The following CENPK variants were observed in gnomAD, a reference collection of about 807,000 sequenced individuals.
CENPK encodes the protein centromere protein K.
Under a neutral mutation model 40.9 loss-of-function variants are expected in CENPK, and 46 were observed. That is an observed-to-expected ratio of 1.13 (90% CI 0.89 to 1.44). The LOEUF is 1.44. CENPK is among the 40% of genes most tolerant of loss of function. The pLI is 0.00. For missense variants in CENPK, 288 were observed against 303.5 expected (o/e 0.95, Z 0.38); for synonymous variants, 107 against 104.4 (o/e 1.02, Z -0.15).
the CENPK span, among the ~76,000 whole-genome samples, chr5:65,502,713 C>T: frequency 5.3e-5 from 8 of 152,130 alleles, no homozygotes; most frequent in South Asian, 4.2e-4. Context: ...TGGGCTCTAA[C>T]AATCCTCCCA....
intron 5 of CENPK, among the ~76,000 whole-genome samples, chr5:65,550,236 G>A (rs1051017051): frequency 8.6e-5 from 13 of 151,642 alleles, no homozygotes; most frequent in Admixed American, 2.0e-4. Context: ...AACTGGTGCC[G>A]GAGGCCTAGC....
At chr5:65,498,276 C>A in the CENPK span, among the ~76,000 whole-genome samples, 1 of 152,000 alleles carries the variant, frequency 6.6e-6, no homozygotes, top group Non-Finnish European at 1.5e-5. Context: ...TATTCCCAAC[C>A]TTCAAGGAAT....
chr5:65,503,490 G>A, the CENPK span, among the ~76,000 whole-genome samples: 1 of 152,082 alleles, frequency 6.6e-6, no homozygotes, highest in Non-Finnish European at 1.5e-5. Flanking sequence ...TTCTTTGTTG[G>A]ATAGTTACCA....
At position 65,562,576 on chromosome 5, in the gene CENPK, A is replaced by T. The variant is rs557651619; in HGVS notation, c.-142+522T>A. ...TTTGACAAGCTGTATTTGATTTTTT[A>T]AAAAAGAGATTAAGATAATACATTT... On this transcript the variant is annotated intron_variant, in intron 1 of 10. Coordinates refer to ENST00000396679, the MANE Select transcript of CENPK (RefSeq NM_022145.5). Among the ~76,000 whole-genome samples the T allele has an allele frequency of 5.3e-5, 8 of 152,320 alleles. No individual in the cohort carries two copies. In the South Asian group the frequency reaches 1.4e-3, roughly 28 times the overall value.
At chr5:65,554,163 G>A (rs573305425) in intron 3 of CENPK, among the ~76,000 whole-genome samples, 4 of 146,560 alleles carry the variant, frequency 2.7e-5, no homozygotes, top group East Asian at 2.0e-4. Context: ...TTTTTGAGAC[G>A]GAGTCTCACT....
intron 9 of CENPK, among the ~76,000 whole-genome samples, chr5:65,528,164 C>A (rs1369543971): frequency 6.6e-6 from 1 of 152,114 alleles, no homozygotes; most frequent in African/African-American, 2.4e-5. Flanking sequence ...TCACTTGAAC[C>A]CAGGAGGCAG....
chr5:65,527,497 CCATATATATA>C (rs1744912636), intron 9 of CENPK, among the ~76,000 whole-genome samples: 3 of 86,270 alleles, frequency 3.5e-5, no homozygotes, highest in Admixed American at 1.6e-4. Context: ...CTTATTAACA[CCATATATATA>C]TATATATATA....
chr5:65,545,011 G>A (rs1256646220), intron 5 of CENPK, among the ~76,000 whole-genome samples: 1 of 151,972 alleles, frequency 6.6e-6, no homozygotes, highest in Non-Finnish European at 1.5e-5. Context: ...GGTTAAAATT[G>A]TAAATTTTAT....
At position 65,538,735 on chromosome 5, in the gene CENPK, C is replaced by T. The variant is rs561588153; in HGVS notation, c.288+4067G>A. Among the ~76,000 whole-genome samples the T allele has an allele frequency of 1.4e-4, 22 of 152,258 alleles. No homozygotes were observed. The East Asian group carries it at 4.2e-3, about 29-fold the overall frequency. On this transcript the variant is annotated intron_variant, in intron 6 of 10. Transcript: ENST00000396679. ...TCTTTCTGACTTTCGACCTGCACAC[C>T]ACCCCTATTAACCACCCAACCTGGT... is the stretch of plus-strand genomic sequence containing the variant.
At chr5:65,551,233 C>T (rs966096483) in intron 5 of CENPK, 9 of 260,078 alleles carry the variant, frequency 3.5e-5, no homozygotes, top group Non-Finnish European at 5.4e-5. Context: ...CTGGACAACA[C>T]GATGAGACCC....
intron 8 of CENPK, 56 bp from the exon 9 acceptor site, chr5:65,528,634 T>A: frequency 1.4e-6 from 2 of 1,417,996 alleles, no homozygotes; most frequent in South Asian, 1.6e-5. Flanking sequence ...CATACACACA[T>A]GTAACTAGTT....
chr5:65,536,595 C>T (rs764758286), intron 6 of CENPK, among the ~76,000 whole-genome samples: 5 of 151,958 alleles, frequency 3.3e-5, no homozygotes, highest in South Asian at 2.1e-4. Flanking sequence ...TACACTCCAA[C>T]CGGGGCAACA....
chr5:65,514,263 G>GTT (rs59636233), downstream of CENPK, among the ~76,000 whole-genome samples: 1 of 27,732 alleles, frequency 3.6e-5, no homozygotes, highest in African/African-American at 1.5e-4. Flanking sequence ...TTTTTTTTTA[G>GTT]TTTTTTTTAG....
At chr5:65,505,670 G>A in the CENPK span, among the ~76,000 whole-genome samples, 2 of 152,242 alleles carry the variant, frequency 1.3e-5, no homozygotes, top group East Asian at 1.9e-4. Flanking sequence ...AACCTATGTC[G>A]TGTTGTGGAT....
chr5:65,545,026 TACC>T (rs1282690260), intron 5 of CENPK, among the ~76,000 whole-genome samples: 1 of 152,196 alleles, frequency 6.6e-6, no homozygotes, highest in African/African-American at 2.4e-5. Context: ...TTTTATATTT[TACC>T]ACAATTAAAA....
chr5:65,530,999 A>G (rs1384948545), intron 6 of CENPK, among the ~76,000 whole-genome samples: 1 of 152,162 alleles, frequency 6.6e-6, no homozygotes, highest in East Asian at 1.9e-4. Context: ...ATGAAAAGAA[A>G]GATAAATCAA....
At chr5:65,548,376 A>G (rs539788931) in intron 5 of CENPK, among the ~76,000 whole-genome samples, 1 of 152,330 alleles carries the variant, frequency 6.6e-6, no homozygotes, top group Admixed American at 6.5e-5. Flanking sequence ...GGTGAGTTGT[A>G]ATGTTTTGCT....
chr5:65,518,329 G>C lies in CENPK; in HGVS notation c.*146C>G, dbSNP rs1476923760. On this transcript the variant is annotated 3_prime_UTR_variant, in exon 11 of 11. Transcript: ENST00000396679. ...AATGACCATTTAAAAATGAATAATA[G>C]ATGGCAGCACATGCCATTTTGCAAT... The C allele has an allele frequency of 1.4e-6, 1 of 702,496 alleles. No individual in the cohort carries two copies. The highest frequency in any genetic ancestry group is 2.3e-6 in the Non-Finnish European group (1 of 431,908). The allele number at this position is 702,496 out of a possible 1,614,324, so 43.5% of individuals were successfully genotyped here.
In CENPK at chr5:65,528,452, C is replaced by T. The variant is rs1409007703; in HGVS notation, c.597G>A (p.Lys199=). Residue 199 remains lysine, a splice_region_variant and synonymous_variant, in exon 9 of 11, where the codon AAG becomes AAA. Coordinates refer to ENST00000396679, the MANE Select transcript of CENPK (RefSeq NM_022145.5). ...PLPDRSVKKK[K]KNIQESSVNL... ...CATAAATGTCTTCTCTAAAACTTACCTTTTTCTTTTTAACACTTCTATCAG... is the reference window on the plus strand; with the variant it reads ...CATAAATGTCTTCTCTAAAACTTACTTTTTTCTTTTTAACACTTCTATCAG... 1 of 1,584,216 alleles carries T rather than the reference C, an allele frequency of 6.3e-7. No homozygotes were observed. The highest frequency in any genetic ancestry group is 8.5e-7 in the Non-Finnish European group (1 of 1,171,866).
Sources: gnomAD v4.1 joint callset for allele counts (sites outside exome capture counted in the v4.1 genomes callset) on GRCh38, gnomAD v4.1.1 for gene constraint, MANE v1.5 for transcripts, NCBI Gene and HGNC (gene_info 2026-07-23, HGNC 2026-07-21) for gene names.